GABRB1: variants seen among roughly 807,000 people sequenced by gnomAD.
GABRB1 encodes gamma-aminobutyric acid type A receptor subunit beta1, also known as gamma-aminobutyric acid receptor subunit beta-1.
A neutral mutation model predicts 51.6 loss-of-function variants in GABRB1; 17 were observed. That is an observed-to-expected ratio of 0.33 (90% CI 0.23 to 0.49). The LOEUF (loss-of-function observed/expected upper bound fraction) is 0.49. Among genes scored for constraint, GABRB1 ranks in the 20% least tolerant of loss-of-function variants. The probability of loss-of-function intolerance (pLI) is 0.99; values close to 1 mark genes in which losing one functional copy is unlikely to be tolerated. For synonymous variants in GABRB1, 247 were observed against 218.9 expected (o/e 1.13, Z -1.14); for missense variants, 410 against 600.6 (o/e 0.68, Z 3.32).
At chr4:47,039,225 T>A (rs1725724393) in intron 3 of GABRB1, among the ~76,000 whole-genome samples, 2 of 151,792 alleles carry the variant, frequency 1.3e-5, no homozygotes. Context: ...TTGCTACTCT[T>A]CTGCTAAGTG....
At chr4:47,048,181 A>G (rs149964969) in intron 3 of GABRB1, among the ~76,000 whole-genome samples, 9 of 152,262 alleles carry the variant, frequency 5.9e-5, no homozygotes, top group African/African-American at 2.2e-4. Flanking sequence ...CCTTTTTAGT[A>G]TATATACTTG....
intron 3 of GABRB1, among the ~76,000 whole-genome samples, chr4:47,111,986 A>G (rs1386534516): frequency 2.1e-5 from 1 of 48,172 alleles, no homozygotes; most frequent in Non-Finnish European, 4.5e-5. Context: ...TTTTTTTTTT[A>G]TGAGACGGAA....
chr4:47,395,646 T>C lies in GABRB1; in HGVS notation c.545-7672T>C, dbSNP rs146047922. ...GTAGAAAATACATAGGATGCCAAGATTTCCTTCTTTGTAATTTAATTTTTT... is the reference window on the plus strand; with the variant it reads ...GTAGAAAATACATAGGATGCCAAGACTTCCTTCTTTGTAATTTAATTTTTT... On this transcript the variant is annotated intron_variant, in intron 5 of 8. Coordinates refer to ENST00000295454, the MANE Select transcript of GABRB1 (RefSeq NM_000812.4). Among the ~76,000 whole-genome samples, 279 of 152,336 alleles carry C rather than the reference T, an allele frequency of 1.8e-3. 2 individuals are homozygous for C. The highest frequency in any genetic ancestry group is 0.014 in the Middle Eastern group (4 of 294).
At chr4:47,010,147 G>A (rs1027022157) in intron 1 of GABRB1, among the ~76,000 whole-genome samples, 1 of 152,154 alleles carries the variant, frequency 6.6e-6, no homozygotes. Flanking sequence ...TCAATGAGTG[G>A]CACACACTGT....
intron 4 of GABRB1, among the ~76,000 whole-genome samples, chr4:47,237,488 G>A (rs1721370471): frequency 6.6e-6 from 1 of 151,966 alleles, no homozygotes; most frequent in Admixed American, 6.6e-5. Context: ...CAGAGAAAAG[G>A]AATAATTCAT....
chr4:47,202,110 C>T (rs1029082148), intron 4 of GABRB1, among the ~76,000 whole-genome samples: 3 of 152,140 alleles, frequency 2.0e-5, no homozygotes, highest in Non-Finnish European at 4.4e-5. Context: ...TCCATAATCC[C>T]CATTTGTTAA....
intron 3 of GABRB1, among the ~76,000 whole-genome samples, chr4:47,105,242 T>C (rs1714911328): frequency 6.6e-6 from 1 of 152,088 alleles, no homozygotes; most frequent in Non-Finnish European, 1.5e-5. Context: ...TTCTCAATGA[T>C]TACTCCATCA....
chr4:47,425,912 T>C lies in GABRB1; in HGVS notation c.1319T>C (p.Ile440Thr). 6.2e-7 allele frequency: 1 copy of C among 1,614,122 alleles called. No homozygotes were observed. Among genetic ancestry groups the C allele is most frequent in the Non-Finnish European group, 8.5e-7 (1 of 1,179,968 alleles). ...CGTGCCTCCCAGCTCAAAGTCAAGA[T>C]CCCCGACTTGACTGATGTGAATTCC... ...RRRASQLKVK[I>T]PDLTDVNSID... Residue 440 changes from isoleucine (I) to threonine (T), a missense_variant, in exon 9 of 9, where the codon ATC becomes ACC. Physicochemically the swap from Ile to Thr is moderately conservative, Grantham distance 89 (BLOSUM62 -1). Coordinates refer to ENST00000295454, the MANE Select transcript of GABRB1 (RefSeq NM_000812.4).
At chr4:47,041,291 G>C (rs757618709) in intron 3 of GABRB1, among the ~76,000 whole-genome samples, 1 of 152,096 alleles carries the variant, frequency 6.6e-6, no homozygotes, top group Non-Finnish European at 1.5e-5. Context: ...GAATTCAAGA[G>C]AGCCCTGTCC....
intron 4 of GABRB1, among the ~76,000 whole-genome samples, chr4:47,260,780 C>T (rs1237973460): frequency 1.3e-5 from 2 of 152,100 alleles, no homozygotes; most frequent in East Asian, 1.9e-4. Flanking sequence ...CCTTGATGAA[C>T]ATTGATGCAA....
At chr4:47,300,247 GAAATTA>G (rs1307183636) in intron 4 of GABRB1, among the ~76,000 whole-genome samples, 5 of 151,402 alleles carry the variant, frequency 3.3e-5, no homozygotes, top group South Asian at 2.1e-4. Context: ...TAATAATAAT[GAAATTA>G]AAATTAAAAT....
chr4:47,234,656 T>C (rs1721261260), intron 4 of GABRB1, among the ~76,000 whole-genome samples: 1 of 152,172 alleles, frequency 6.6e-6, no homozygotes, highest in Admixed American at 6.5e-5. Flanking sequence ...AAAACTGCCA[T>C]CTTAAATTTA....
chr4:47,269,798 G>A (rs988084763), intron 4 of GABRB1, among the ~76,000 whole-genome samples: 1 of 152,054 alleles, frequency 6.6e-6, no homozygotes, highest in East Asian at 1.9e-4. Flanking sequence ...TGATAAAGAA[G>A]CTGAGATGCA....
chr4:47,278,945 C>T (rs1162973078), intron 4 of GABRB1, among the ~76,000 whole-genome samples: 6 of 152,122 alleles, frequency 3.9e-5, no homozygotes, highest in Admixed American at 6.6e-5. Context: ...TACTTGTTTT[C>T]TTGTAGCCAG....
rs145369686 is a variant in GABRB1, at chr4:47,060,684, G to A, written c.240+28200G>A. Among the ~76,000 whole-genome samples the A allele has an allele frequency of 5.1e-3, 774 of 152,108 alleles. 3 individuals are homozygous for A. The highest frequency in any genetic ancestry group is 0.018 in the African/African-American group (727 of 41,506). ...TTGTGAATATTCCACTTCAATACTC[G>A]TTCCTGTTAGGGGATGAGTGTTGGC... On this transcript the variant is annotated intron_variant, in intron 3 of 8. Coordinates refer to ENST00000295454, the MANE Select transcript of GABRB1 (RefSeq NM_000812.4).
intron 3 of GABRB1, among the ~76,000 whole-genome samples, chr4:47,107,956 T>C (rs1715039597): frequency 6.6e-6 from 1 of 152,056 alleles, no homozygotes; most frequent in African/African-American, 2.4e-5. Flanking sequence ...CAATACTTCG[T>C]TTGATCAACA....
At chr4:47,396,287 C>T (rs556066714) in intron 5 of GABRB1, among the ~76,000 whole-genome samples, 6 of 152,056 alleles carry the variant, frequency 3.9e-5, no homozygotes, top group African/African-American at 1.4e-4. Context: ...GACTTACTCA[C>T]TATCAGGAGA....
intron 5 of GABRB1, among the ~76,000 whole-genome samples, chr4:47,381,353 C>T (rs1016542768): frequency 1.2e-4 from 18 of 152,238 alleles, no homozygotes; most frequent in Admixed American, 1.0e-3. Context: ...CTCTCTGCAC[C>T]AGTGATGTGC....
At chr4:47,403,894 T>C (rs1263856163) in intron 7 of GABRB1, among the ~76,000 whole-genome samples, 183 bp downstream of exon 7, 1 of 152,226 alleles carries the variant, frequency 6.6e-6, no homozygotes, top group African/African-American at 2.4e-5. Context: ...CAATGTACTG[T>C]CTTTTTAGCA....
Sources: gnomAD v4.1 joint callset for allele counts (sites outside exome capture counted in the v4.1 genomes callset) on GRCh38, gnomAD v4.1.1 for gene constraint, MANE v1.5 for transcripts, NCBI Gene and HGNC (gene_info 2026-07-23, HGNC 2026-07-21) for gene names.